Variants in LMCD1 observed in about 807,000 individuals in gnomAD.
The protein encoded by LMCD1 is LIM and cysteine rich domains 1, also known as LIM and cysteine-rich domains protein 1.
LMCD1 carries 32 observed loss-of-function variants against 42.7 expected under a neutral mutation model. That is an observed-to-expected ratio of 0.75 (90% CI 0.57 to 1.01). LMCD1 has a LOEUF of 1.01. Ranked by LOEUF, LMCD1 falls within the 50% of genes least tolerant of loss-of-function variation. The pLI is 0.00. For missense variants in LMCD1, 458 were observed against 483.1 expected, an observed-to-expected ratio of 0.95 and a Z score of 0.49; for synonymous variants, 178 against 184.9, an observed-to-expected ratio of 0.96 and a Z score of 0.30.
chr3:8,538,884 C>G (rs1694562895), intron 3 of LMCD1, among the ~76,000 whole-genome samples: 2 of 152,214 alleles, frequency 1.3e-5, no homozygotes, highest in Admixed American at 6.5e-5. Context: ...GCAATGTCAC[C>G]TTTTAGGCCA....
intron 4 of LMCD1, chr3:8,550,765 C>A (rs1405590898): frequency 6.6e-5 from 65 of 985,116 alleles, no homozygotes; most frequent in Non-Finnish European, 7.7e-5. Context: ...TCTGTCCACC[C>A]TCAAATAGCT....
chr3:8,565,550 C>A lies in LMCD1; in HGVS notation c.842C>A (p.Pro281Gln), dbSNP rs770250146. ...TCFVCAKCSEPLVDLIYFWKD... is the reference protein window; with the variant it reads ...TCFVCAKCSEQLVDLIYFWKD... Reference sequence around the variant, plus strand: ...TTTGTGTGTGCCAAGTGCTCCGAGCCGCTGGTGGACCTCATCTACTTCTGG... The same window carrying A: ...TTTGTGTGTGCCAAGTGCTCCGAGCAGCTGGTGGACCTCATCTACTTCTGG... The change falls in exon 5 of 6, where the codon CCG (proline) becomes CAG (glutamine). Residue 281 changes from proline (P) to glutamine (Q), a missense_variant. By Grantham distance (76) the Pro-to-Gln change is moderately conservative. Coordinates refer to ENST00000157600, the MANE Select transcript of LMCD1 (RefSeq NM_014583.4). 7 of 1,614,164 alleles carry A rather than the reference C, an allele frequency of 4.3e-6. No individual in the cohort carries two copies. In the Admixed American group the frequency reaches 1.0e-4, roughly 23 times the overall value.
intron 3 of LMCD1, among the ~76,000 whole-genome samples, chr3:8,543,899 G>A (rs1430212328): frequency 6.6e-6 from 1 of 152,212 alleles, no homozygotes; most frequent in Non-Finnish European, 1.5e-5. Flanking sequence ...CTACCTGACT[G>A]ACATATTTGT....
intron 4 of LMCD1, chr3:8,549,878 C>T: frequency 1.4e-6 from 1 of 739,744 alleles, no homozygotes; most frequent in Non-Finnish European, 2.4e-6. Flanking sequence ...TCTTAGAAGC[C>T]AGTCCCACTC....
At chr3:8,558,912 C>T (rs573837348) in intron 4 of LMCD1, among the ~76,000 whole-genome samples, 1 of 152,284 alleles carries the variant, frequency 6.6e-6, no homozygotes, top group Admixed American at 6.5e-5. Flanking sequence ...GTGCCCCACC[C>T]CAGATCTACT....
At chr3:8,531,608 T>C (rs1301968804) in intron 1 of LMCD1, among the ~76,000 whole-genome samples, 1 of 152,192 alleles carries the variant, frequency 6.6e-6, no homozygotes, top group Non-Finnish European at 1.5e-5. Flanking sequence ...GACTCCAAAA[T>C]TCGTGCCTCT....
At position 8,503,563 on chromosome 3, in the gene LMCD1, C is replaced by G. The variant is rs144082273; in HGVS notation, c.42+1583C>G. On this transcript the variant is annotated intron_variant, in intron 1 of 5. Transcript: ENST00000157600. ...ATTTCTCTATACATTTTTCTGGACT[C>G]CTTGAGGGCAAACCTGTCTTGTTCA... Among the ~76,000 whole-genome samples the G allele has an allele frequency of 5.9e-5, 9 of 152,276 alleles. 1 individual carries two copies. Among genetic ancestry groups the G allele is most frequent in the Admixed American group, 5.9e-4 (9 of 15,294 alleles).
intron 4 of LMCD1, among the ~76,000 whole-genome samples, chr3:8,561,244 G>A (rs954592773): frequency 4.6e-5 from 7 of 152,188 alleles, no homozygotes; most frequent in Non-Finnish European, 1.0e-4. Context: ...GGAGGGCCAG[G>A]TGATAAATAT....
chr3:8,523,385 A>G (rs922964966), intron 1 of LMCD1, among the ~76,000 whole-genome samples: 2 of 152,222 alleles, frequency 1.3e-5, no homozygotes, highest in Non-Finnish European at 2.9e-5. Flanking sequence ...ACAAGCACAC[A>G]CAGCTCCCTG....
intron 4 of LMCD1, chr3:8,550,307 A>G (rs1694818979): frequency 3.0e-6 from 3 of 1,001,678 alleles, no homozygotes; most frequent in Middle Eastern, 5.1e-4. Context: ...ATTTGTTTCT[A>G]TGGCAATTAA....
At chr3:8,549,831 G>A (rs1434835265) in intron 4 of LMCD1, 2 of 705,650 alleles carry the variant, frequency 2.8e-6, no homozygotes, top group Non-Finnish European at 5.2e-6. Flanking sequence ...CATGTGGCAA[G>A]GGGGCTGGGT....
At chr3:8,502,379 A>T (rs1184784918) in intron 1 of LMCD1, among the ~76,000 whole-genome samples, 8 of 95,230 alleles carry the variant, frequency 8.4e-5, no homozygotes, top group East Asian at 5.6e-4. Context: ...AAATATATAT[A>T]ATATATATTA....
At chr3:8,526,789 G>A (rs1159918021) in intron 1 of LMCD1, among the ~76,000 whole-genome samples, 1 of 152,194 alleles carries the variant, frequency 6.6e-6, no homozygotes, top group Non-Finnish European at 1.5e-5. Context: ...TTCACACAGT[G>A]CCTGGAAAAC....
At chr3:8,531,343 C>T (rs73018398) in intron 1 of LMCD1, among the ~76,000 whole-genome samples, 3,688 of 152,280 alleles carry the variant, frequency 0.024, 103 homozygotes, top group South Asian at 0.13. Context: ...AATCCAAAGT[C>T]ACCTCCTCTA....
chr3:8,508,879 T>C (rs1163909235), intron 1 of LMCD1, among the ~76,000 whole-genome samples: 1 of 152,186 alleles, frequency 6.6e-6, no homozygotes, highest in African/African-American at 2.4e-5. Context: ...GGTGGACATT[T>C]TGGCTGTGAA....
intron 1 of LMCD1, among the ~76,000 whole-genome samples, chr3:8,531,406 C>T (rs1275134156): frequency 6.6e-6 from 1 of 152,178 alleles, no homozygotes; most frequent in African/African-American, 2.4e-5. Context: ...AATTTATTAA[C>T]ACTTTCCCCT....
At chr3:8,550,920 C>G (rs1395763460) in intron 4 of LMCD1, 6 of 985,250 alleles carry the variant, frequency 6.1e-6, no homozygotes, top group Non-Finnish European at 6.0e-6. Context: ...CATATTTGTT[C>G]TGTGTGGAAC....
At chr3:8,565,351 A>C (rs1162837078) in intron 4 of LMCD1, 81 bp from the exon 5 acceptor site, 1 of 1,255,148 alleles carries the variant, frequency 8.0e-7, no homozygotes, top group African/African-American at 1.5e-5. Flanking sequence ...GGAAGTAGAA[A>C]GGCTGGAGCT....
At chr3:8,564,135 GTTAA>G (rs1013699703) in intron 4 of LMCD1, among the ~76,000 whole-genome samples, 2 of 152,122 alleles carry the variant, frequency 1.3e-5, no homozygotes, top group East Asian at 1.9e-4. Context: ...ATCAATATTG[GTTAA>G]TTAATTATGA....
Sources: allele counts gnomAD v4.1 joint callset (sites outside exome capture counted in the v4.1 genomes callset), GRCh38; gene constraint gnomAD v4.1.1; transcripts MANE v1.5; gene names NCBI Gene and HGNC (gene_info 2026-07-23, HGNC 2026-07-21).